ADSS2: variants seen among roughly 807,000 people sequenced by gnomAD.
ADSS2 encodes adenylosuccinate synthetase isozyme 2.
A neutral mutation model predicts 60.0 loss-of-function variants in ADSS2; 30 were observed. The observed-to-expected ratio is 0.50, with a 90% CI of 0.37 to 0.68. The LOEUF (loss-of-function observed/expected upper bound fraction) is 0.68. Among genes scored for constraint, ADSS2 ranks in the 30% least tolerant of loss-of-function variants. ADSS2 has a pLI of 0.00. For synonymous variants in ADSS2, 187 were observed against 193.1 expected (o/e 0.97, Z 0.26); for missense variants, 373 against 554.8 (o/e 0.67, Z 3.29).
intron 3 of ADSS2, among the ~76,000 whole-genome samples, chr1:244,435,766 A>G (rs1254765978): frequency 6.6e-6 from 1 of 152,208 alleles, no homozygotes; most frequent in African/African-American, 2.4e-5. Flanking sequence ...ATTCACACAC[A>G]AGTACTTAAC....
In ADSS2 at chr1:244,409,442, C is replaced by T; in HGVS notation, c.*144G>A. The T allele has an allele frequency of 1.7e-6, 1 of 604,430 alleles. No individual in the cohort carries two copies. The highest frequency in any genetic ancestry group is 4.5e-4 in the Middle Eastern group (1 of 2,226). 37.4% of individuals were successfully genotyped at this position (604,430 alleles called of 1,614,324 possible). A position where few individuals can be genotyped will look rare whatever the true frequency, so the allele number is the denominator to read the frequency against. On this transcript the variant is annotated 3_prime_UTR_variant, in exon 13 of 13. Coordinates refer to ENST00000366535, the MANE Select transcript of ADSS2 (RefSeq NM_001126.5). ...CAAAGTTAATCTCCACAGTAGGCAT[C>T]CATCTGAAAAGACTGGAAACAACTG...
chr1:244,420,400 C>T (rs1027554565), intron 7 of ADSS2, 104 bp from the exon 8 acceptor site: 65 of 1,048,410 alleles, frequency 6.2e-5, no homozygotes, highest in Non-Finnish European at 8.2e-5. Flanking sequence ...AACTGACAAA[C>T]GCAAAGTAGA....
At chr1:244,415,830 TAAC>T (rs1255754172) in intron 11 of ADSS2, 148 bp downstream of exon 11, 3 of 594,996 alleles carry the variant, frequency 5.0e-6, no homozygotes, top group Non-Finnish European at 8.7e-6. Flanking sequence ...ATGAACCAAA[TAAC>T]TAATAATAAG....
intron 1 of ADSS2, among the ~76,000 whole-genome samples, chr1:244,439,005 T>A (rs1052021654): frequency 6.6e-6 from 1 of 152,168 alleles, no homozygotes; most frequent in African/African-American, 2.4e-5. Flanking sequence ...TATATTTGTA[T>A]ACCCATTAAC....
At chr1:244,440,735 G>A (rs1665219455) in intron 1 of ADSS2, among the ~76,000 whole-genome samples, 1 of 152,116 alleles carries the variant, frequency 6.6e-6, no homozygotes, top group South Asian at 2.1e-4. Flanking sequence ...CATATATACT[G>A]TTTTATTTTA....
At chr1:244,444,407 T>C (rs866594906) in intron 1 of ADSS2, among the ~76,000 whole-genome samples, 20 of 143,902 alleles carry the variant, frequency 1.4e-4, no homozygotes, top group Non-Finnish European at 2.1e-4. Flanking sequence ...CCCAGCTACT[T>C]GGGAGGCTGA....
At position 244,420,292 on chromosome 1, in the gene ADSS2, T is replaced by C. The variant is rs1664644947; in HGVS notation, c.668A>G (p.Tyr223Cys). Residue 223 changes from tyrosine (Y) to cysteine (C), a missense_variant, in exon 8 of 13, where the codon TAT (tyrosine) becomes TGT (cysteine). Around this residue, in one of 5 missense-constraint regions of ADSS2, gnomAD observed 139 missense variants for 189.4 expected, o/e 0.73. Coordinates refer to ENST00000366535, the MANE Select transcript of ADSS2 (RefSeq NM_001126.5). ...CACCATTGGTTTAATCTTTTCCATATAACCCTATACACAAAGACAAAAACC... is the reference window on the plus strand; with the variant it reads ...CACCATTGGTTTAATCTTTTCCATACAACCCTATACACAAAGACAAAAACC... Reference protein sequence around the residue: ...IEGELQKLKGYMEKIKPMVRD... With the variant: ...IEGELQKLKGCMEKIKPMVRD... The C allele has an allele frequency of 1.2e-5, 20 of 1,611,594 alleles. No individual in the cohort carries two copies. The highest frequency in any genetic ancestry group is 1.4e-5 in the Non-Finnish European group (17 of 1,178,712).
In ADSS2 at chr1:244,416,045, C is replaced by T; in HGVS notation, c.1104G>A (p.Met368Ile). The change falls in exon 11 of 13, where the codon ATG (methionine) becomes ATA (isoleucine). Residue 368 changes from methionine (M) to isoleucine (I), a missense_variant. Coordinates refer to ENST00000366535, the MANE Select transcript of ADSS2 (RefSeq NM_001126.5). The stretch of plus-strand genomic sequence containing the variant: ...CAACTCCAACTTTGATTTCCGTAAA[C>T]ATGTCCAAAATATCCAACTTGGTAA... The part of the protein sequence containing the change: ...LALTKLDILD[M>I]FTEIKVGVAY... 1 of 1,613,806 alleles carries T rather than the reference C, an allele frequency of 6.2e-7. No homozygotes were observed.
intron 4 of ADSS2, 123 bp downstream of exon 4, chr1:244,432,422 T>C: frequency 1.5e-6 from 1 of 684,412 alleles, no homozygotes; most frequent in Non-Finnish European, 2.4e-6. Context: ...AGAACTCAAT[T>C]ACTACAATCC....
chr1:244,441,997 C>T (rs1300310006), intron 1 of ADSS2, among the ~76,000 whole-genome samples: 2 of 152,022 alleles, frequency 1.3e-5, no homozygotes, highest in African/African-American at 4.8e-5. Context: ...ATCATTTGCT[C>T]AAGGTTAAAA....
At chr1:244,434,179 CAA>C (rs1220140337) in intron 3 of ADSS2, among the ~76,000 whole-genome samples, 22 of 59,960 alleles carry the variant, frequency 3.7e-4, no homozygotes, top group Admixed American at 1.9e-4. Flanking sequence ...CCCATCTCTA[CAA>C]AAAAAAAAAA....
At chr1:244,414,805 G>A (rs1218580339) in intron 11 of ADSS2, among the ~76,000 whole-genome samples, 2 of 152,232 alleles carry the variant, frequency 1.3e-5, no homozygotes, top group Admixed American at 6.5e-5. Flanking sequence ...TACCTCACTT[G>A]AGGAACAGCT....
intron 1 of ADSS2, among the ~76,000 whole-genome samples, chr1:244,440,236 T>C (rs995448724): frequency 1.3e-5 from 2 of 152,206 alleles, no homozygotes; most frequent in African/African-American, 4.8e-5. Flanking sequence ...TGCCCCATTC[T>C]GCCCGATTCA....
chr1:244,431,994 G>T (rs2148003884), intron 4 of ADSS2, among the ~76,000 whole-genome samples: 1 of 152,240 alleles, frequency 6.6e-6, no homozygotes, highest in Admixed American at 6.5e-5. Flanking sequence ...TTCCTACGTG[G>T]TTTTTACTTA....
chr1:244,431,691 A>G (rs1664948678), intron 4 of ADSS2, among the ~76,000 whole-genome samples: 1 of 152,240 alleles, frequency 6.6e-6, no homozygotes, highest in Admixed American at 6.5e-5. Context: ...AGCCTGTGGC[A>G]AACAATGTAA....
intron 10 of ADSS2, among the ~76,000 whole-genome samples, 178 bp from the exon 11 acceptor site, chr1:244,416,256 T>G (rs1361067235): frequency 1.3e-5 from 2 of 152,230 alleles, no homozygotes; most frequent in Non-Finnish European, 2.9e-5. Flanking sequence ...TAGAGGACAA[T>G]ATACACTGAG....
Position 244,437,766 on chromosome 1 carries a change from T to C in ADSS2, c.186A>G (p.Gly62=). 6.3e-7 allele frequency: 1 copy of C among 1,594,242 alleles called. No individual in the cohort carries two copies. Among genetic ancestry groups the C allele is most frequent in the Non-Finnish European group, 8.6e-7 (1 of 1,162,286 alleles). The change falls in exon 2 of 13, where the codon GGA becomes GGG. Residue 62 remains glycine (G), a splice_region_variant and synonymous_variant. Transcript: ENST00000366535. ...QDADIVCRCQ[G]GNNAGHTVVV... is the part of the protein sequence containing the mutation. The stretch of plus-strand genomic sequence containing the variant: ...CAACTGTATGGCCAGCATTATTTCC[T>C]CCCTAAAATGTAAGATAGGGGAAAA...
chr1:244,445,602 T>C (rs890210776), intron 1 of ADSS2, among the ~76,000 whole-genome samples: 2 of 151,886 alleles, frequency 1.3e-5, no homozygotes, highest in Admixed American at 6.6e-5. Context: ...GAAATGCTAA[T>C]ATGTGTAAGC....
At chr1:244,441,416 T>C (rs542910324) in intron 1 of ADSS2, among the ~76,000 whole-genome samples, 4 of 152,218 alleles carry the variant, frequency 2.6e-5, no homozygotes, top group Admixed American at 2.0e-4. Context: ...CAGTTCCTCT[T>C]GTTAAAAATT....
Sources: gnomAD v4.1 joint callset for allele counts (sites outside exome capture counted in the v4.1 genomes callset) on GRCh38, gnomAD v4.1.1 for gene constraint, gnomAD v4.1.1 regional missense constraint, MANE v1.5 for transcripts, NCBI Gene and HGNC (gene_info 2026-07-23, HGNC 2026-07-21) for gene names.